Variants in LDLRAD3 observed in about 807,000 individuals in gnomAD.
LDLRAD3 encodes the protein low-density lipoprotein receptor class A domain-containing protein 3.
A neutral mutation model predicts 29.4 loss-of-function variants in LDLRAD3; 20 were observed. That is an observed-to-expected ratio of 0.68 (90% CI 0.48 to 0.99). The LOEUF (loss-of-function observed/expected upper bound fraction) is 0.99. LDLRAD3 is among the 50% of genes least tolerant of loss of function. LDLRAD3 has a pLI of 0.00. For missense variants in LDLRAD3, 420 were observed against 454.3 expected (o/e 0.92, Z 0.69); for synonymous variants, 157 against 192.7 (o/e 0.81, Z 1.53).
At chr11:36,087,424 A>G (rs907585449) in intron 3 of LDLRAD3, among the ~76,000 whole-genome samples, 4 of 152,238 alleles carry the variant, frequency 2.6e-5, no homozygotes, top group Admixed American at 1.3e-4. Context: ...CTTCAAGCCA[A>G]TTCCATCAGG....
At chr11:36,201,594 A>C (rs1855127539) in intron 4 of LDLRAD3, among the ~76,000 whole-genome samples, 1 of 152,240 alleles carries the variant, frequency 6.6e-6, no homozygotes, top group South Asian at 2.1e-4. Context: ...GGAGCACGGA[A>C]TAATTAGGCG....
At chr11:36,065,198 T>G (rs1852772106) in intron 2 of LDLRAD3, among the ~76,000 whole-genome samples, 1 of 152,234 alleles carries the variant, frequency 6.6e-6, no homozygotes, top group Admixed American at 6.5e-5. Context: ...GGGGCTCTGT[T>G]TTTAAGTACA....
At chr11:36,040,046 C>G (rs751964568) in intron 2 of LDLRAD3, among the ~76,000 whole-genome samples, 86 of 152,174 alleles carry the variant, frequency 5.7e-4, no homozygotes, top group Non-Finnish European at 9.1e-4. Context: ...AGCCCTTTCT[C>G]TGATTCTTTG....
chr11:36,050,431 C>T (rs561586636), intron 2 of LDLRAD3, among the ~76,000 whole-genome samples: 51 of 152,320 alleles, frequency 3.3e-4, no homozygotes, highest in African/African-American at 9.6e-4. Context: ...TGGTGGGCCA[C>T]TGAGTGAAGC....
intron 2 of LDLRAD3, among the ~76,000 whole-genome samples, chr11:36,077,453 G>A (rs535906725): frequency 2.6e-4 from 40 of 152,300 alleles, no homozygotes; most frequent in African/African-American, 7.5e-4. Context: ...GGCAGGCTGC[G>A]TTCGGCTCCC....
intron 1 of LDLRAD3, among the ~76,000 whole-genome samples, chr11:35,950,927 C>T (rs1043082146): frequency 6.6e-6 from 1 of 151,906 alleles, no homozygotes; most frequent in Admixed American, 6.6e-5. Context: ...TCTAAAAATG[C>T]AAAACGTTAG....
At chr11:36,069,340 C>T (rs1042620923) in intron 2 of LDLRAD3, among the ~76,000 whole-genome samples, 2 of 152,140 alleles carry the variant, frequency 1.3e-5, no homozygotes, top group African/African-American at 4.8e-5. Context: ...TTTCTTGTCC[C>T]CAACCATGAA....
intron 4 of LDLRAD3, among the ~76,000 whole-genome samples, chr11:36,157,780 G>T (rs1264907736): frequency 6.6e-6 from 1 of 152,198 alleles, no homozygotes; most frequent in Non-Finnish European, 1.5e-5. Context: ...GCTGAGACAG[G>T]CAAGGTCTGG....
At chr11:36,017,547 T>C (rs967248429) in intron 1 of LDLRAD3, among the ~76,000 whole-genome samples, 2 of 151,754 alleles carry the variant, frequency 1.3e-5, no homozygotes, top group Non-Finnish European at 2.9e-5. Context: ...TTTTTTTTTT[T>C]TTTTTGAGTC....
intron 2 of LDLRAD3, among the ~76,000 whole-genome samples, chr11:36,053,838 AG>A (rs1188024888): frequency 6.6e-6 from 1 of 152,136 alleles, no homozygotes; most frequent in East Asian, 1.9e-4. Flanking sequence ...ACATTGTATG[AG>A]CACCTCCAAG....
intron 4 of LDLRAD3, among the ~76,000 whole-genome samples, chr11:36,214,275 A>T (rs958432855): frequency 3.3e-5 from 5 of 152,128 alleles, no homozygotes; most frequent in African/African-American, 1.2e-4. Context: ...GAAGTCCTGG[A>T]AGGGCTGTGA....
At chr11:35,971,239 A>G (rs1291191698) in intron 1 of LDLRAD3, among the ~76,000 whole-genome samples, 3 of 152,096 alleles carry the variant, frequency 2.0e-5, no homozygotes, top group Admixed American at 6.5e-5. Flanking sequence ...ATGTTTTGGA[A>G]AGGATATTAT....
At chr11:36,056,075 A>G (rs1852615697) in intron 2 of LDLRAD3, among the ~76,000 whole-genome samples, 1 of 142,086 alleles carries the variant, frequency 7.0e-6, no homozygotes, top group Non-Finnish European at 1.5e-5. Context: ...AGCTCACTGC[A>G]GCCTCTGCCT....
chr11:36,230,291 T>C lies in LDLRAD3; in HGVS notation c.*894T>C, dbSNP rs1855558521. On this transcript the variant is annotated 3_prime_UTR_variant, in exon 6 of 6. Transcript: ENST00000315571. ...GGACCTAACTTGAGTTGGCCCAAAGTCTGACCTGGCTGTATGTCCCTGTGG... is the reference window on the plus strand; with the variant it reads ...GGACCTAACTTGAGTTGGCCCAAAGCCTGACCTGGCTGTATGTCCCTGTGG... The C allele has an allele frequency of 6.6e-6, 1 of 152,288 alleles. No homozygotes were observed. Among genetic ancestry groups the C allele is most frequent in the Non-Finnish European group, 1.5e-5 (1 of 68,074 alleles). 9.4% of individuals were successfully genotyped at this position (152,288 alleles called of 1,614,324 possible).
chr11:36,025,872 C>T lies in LDLRAD3; in HGVS notation c.47-10231C>T, dbSNP rs889567152. ...TTGGCTCACTGCAACCTCTGCCTCC[C>T]AGGTTCTAGCGATTCTCCTGCCCTA... On this transcript the variant is annotated intron_variant, in intron 1 of 5. Transcript: ENST00000315571. 4.0e-5 allele frequency among the ~76,000 whole-genome samples: 6 copies of T among 150,444 alleles called. No homozygotes were observed. The Admixed American group carries it at 4.0e-4, about 10-fold the overall frequency.
rs192874589 is a variant in LDLRAD3 at position 35,946,428 on chromosome 11, T to A, written c.46+2284T>A. Among the ~76,000 whole-genome samples, 15 of 152,378 alleles carry A rather than the reference T, an allele frequency of 9.8e-5. No homozygotes were observed. In the East Asian group the frequency reaches 2.9e-3, roughly 29 times the overall value. On this transcript the variant is annotated intron_variant, in intron 1 of 5. Coordinates refer to ENST00000315571, the MANE Select transcript of LDLRAD3 (RefSeq NM_174902.4). ...CCAAGAGCAGTTTGGAGGCCTTTTT[T>A]ATTCAGGAACCTTCTCAGACACCTT...
At chr11:36,028,669 AT>A (rs950104391) in intron 1 of LDLRAD3, among the ~76,000 whole-genome samples, 7 of 151,950 alleles carry the variant, frequency 4.6e-5, no homozygotes, top group African/African-American at 9.7e-5. Flanking sequence ...AAAGAATTCC[AT>A]TTTTTTTCTT....
At chr11:36,142,745 A>G (rs913368347) in intron 4 of LDLRAD3, among the ~76,000 whole-genome samples, 1 of 152,144 alleles carries the variant, frequency 6.6e-6, no homozygotes, top group Non-Finnish European at 1.5e-5. Context: ...GCAGCCAGGC[A>G]TTTTCAAGCA....
chr11:36,221,600 A>C (rs1363120815), intron 4 of LDLRAD3, among the ~76,000 whole-genome samples: 1 of 152,190 alleles, frequency 6.6e-6, no homozygotes, highest in African/African-American at 2.4e-5. Flanking sequence ...TAAGAGTTCA[A>C]GACCAGCCTG....
Sources: gnomAD v4.1 joint callset for allele counts (sites outside exome capture counted in the v4.1 genomes callset) on GRCh38, gnomAD v4.1.1 for gene constraint, MANE v1.5 for transcripts, NCBI Gene and HGNC (gene_info 2026-07-23, HGNC 2026-07-21) for gene names.